Variants in SLC4A4 observed in about 807,000 individuals in gnomAD.
The protein encoded by SLC4A4 is solute carrier family 4 member 4.
A neutral mutation model predicts 111.5 loss-of-function variants in SLC4A4; 27 were observed. The observed-to-expected ratio is 0.24, with a 90% confidence interval of 0.18 to 0.33. The LOEUF is 0.33. Ranked by LOEUF, SLC4A4 falls within the 10% of genes least tolerant of loss-of-function variation. The pLI is 1.00. For missense variants in SLC4A4, 909 were observed against 1,315.5 expected (o/e 0.69, Z 4.78); for synonymous variants, 443 against 463.4 (o/e 0.96, Z 0.57).
chr4:71,467,034 C>T (rs1271800892), intron 13 of SLC4A4, among the ~76,000 whole-genome samples: 1 of 150,288 alleles, frequency 6.7e-6, no homozygotes, highest in Non-Finnish European at 1.5e-5. Flanking sequence ...GCACAGCATT[C>T]TGGCAGTGCT....
At chr4:71,152,944 C>T (rs1420924332) in intron 2 of SLC4A4, among the ~76,000 whole-genome samples, 1 of 143,138 alleles carries the variant, frequency 7.0e-6, no homozygotes, top group African/African-American at 2.6e-5. Context: ...ATATATATAT[C>T]CTATATATAT....
intron 1 of SLC4A4, among the ~76,000 whole-genome samples, chr4:71,207,498 A>G (rs1717841158): frequency 6.6e-6 from 1 of 152,220 alleles, no homozygotes; most frequent in African/African-American, 2.4e-5. Flanking sequence ...ATTTCCCAAC[A>G]TTTGGTGGGT....
chr4:71,486,708 C>T (rs1455910609), intron 14 of SLC4A4, among the ~76,000 whole-genome samples: 1 of 150,680 alleles, frequency 6.6e-6, no homozygotes, highest in African/African-American at 2.4e-5. Flanking sequence ...TTAATACCGT[C>T]TCTTTAAATA....
chr4:71,323,958 A>G (rs1727310219), intron 3 of SLC4A4, among the ~76,000 whole-genome samples: 1 of 151,902 alleles, frequency 6.6e-6, no homozygotes, highest in South Asian at 2.1e-4. Flanking sequence ...CTTGACTCTG[A>G]TGATGGTGTC....
chr4:71,078,853 C>G lies in SLC4A4; in HGVS notation c.-64-13877C>G, dbSNP rs1000009416. Among the ~76,000 whole-genome samples, 5 of 152,008 alleles carry G rather than the reference C, an allele frequency of 3.3e-5. No homozygotes were observed. In the East Asian group the frequency reaches 9.7e-4, roughly 30 times the overall value. On this transcript the variant is annotated intron_variant, in intron 1 of 26. Transcript: ENST00000649996. ...TTTTTTTTTGAGACAGAGTCTCACT[C>G]TGTTGCCCAGGTTGGAGTGCAATGG...
In SLC4A4 at chr4:71,339,354, A is replaced by G; in HGVS notation, c.254-16A>G. On this transcript the variant is annotated splice_polypyrimidine_tract_variant and intron_variant, in intron 3 of 25. Coordinates refer to ENST00000264485, the MANE Select transcript of SLC4A4 (RefSeq NM_001098484.3). ...TGTCCAGCCAATGTTTAACCACAGT[A>G]TTTTCACTTCTGCAGTCTCTCCTGC... is the stretch of plus-strand genomic sequence containing the variant. 2 of 1,614,090 alleles carry G rather than the reference A, an allele frequency of 1.2e-6. No homozygotes were observed. Among genetic ancestry groups the G allele is most frequent in the Non-Finnish European group, 8.5e-7 (1 of 1,180,026 alleles).
intron 18 of SLC4A4, among the ~76,000 whole-genome samples, chr4:71,535,102 T>C (rs1734292752): frequency 6.6e-6 from 1 of 152,128 alleles, no homozygotes; most frequent in Non-Finnish European, 1.5e-5. Context: ...TAATAAGAGC[T>C]ATTATTTAGT....
At chr4:71,332,218 G>T (rs1198393503) in intron 3 of SLC4A4, among the ~76,000 whole-genome samples, 1 of 151,706 alleles carries the variant, frequency 6.6e-6, no homozygotes, top group Non-Finnish European at 1.5e-5. Context: ...TTTTGGGTTT[G>T]GTTTTATTTT....
At chr4:71,136,862 C>T (rs1222254116) in intron 2 of SLC4A4, among the ~76,000 whole-genome samples, 1 of 152,104 alleles carries the variant, frequency 6.6e-6, no homozygotes, top group Admixed American at 6.6e-5. Context: ...CAGTATTAAG[C>T]ACATTACATG....
At chr4:71,147,120 G>C (rs1013413605) in intron 2 of SLC4A4, among the ~76,000 whole-genome samples, 16 of 151,914 alleles carry the variant, frequency 1.1e-4, no homozygotes, top group African/African-American at 3.6e-4. Flanking sequence ...TTTAAACCAA[G>C]AAAGATCAAA....
chr4:71,223,452 C>T (rs28534075), intron 1 of SLC4A4, among the ~76,000 whole-genome samples: 43 of 152,242 alleles, frequency 2.8e-4, no homozygotes, highest in African/African-American at 8.9e-4. Context: ...CGTGAGCCAC[C>T]GTGCCCGGCC....
At position 71,236,564 on chromosome 4, in the gene SLC4A4, T is replaced by G; in HGVS notation, c.-1-12T>G. 6.2e-7 allele frequency: 1 copy of G among 1,611,832 alleles called. No individual in the cohort carries two copies. The highest frequency in any genetic ancestry group is 8.5e-7 in the Non-Finnish European group (1 of 1,178,268). On this transcript the variant is annotated splice_polypyrimidine_tract_variant and intron_variant, in intron 1 of 25. Coordinates refer to ENST00000264485, the MANE Select transcript of SLC4A4 (RefSeq NM_001098484.3). Reference sequence around the variant, plus strand: ...AGTCTGAGCATTCTTTTTTTCTTTTTTATTACTATAGGATGGAGGATGAAG... The same window carrying G: ...AGTCTGAGCATTCTTTTTTTCTTTTGTATTACTATAGGATGGAGGATGAAG...
intron 2 of SLC4A4, among the ~76,000 whole-genome samples, chr4:71,154,223 C>G (rs72860042): frequency 1.3e-5 from 2 of 152,136 alleles, no homozygotes; most frequent in East Asian, 3.9e-4. Flanking sequence ...GAGCTTATGG[C>G]TATGGCTCTT....
At chr4:71,350,496 G>A (rs983196321) in intron 5 of SLC4A4, among the ~76,000 whole-genome samples, 4 of 151,998 alleles carry the variant, frequency 2.6e-5, no homozygotes, top group African/African-American at 9.7e-5. Flanking sequence ...TCCTGCTTCA[G>A]CCTCCCGAGT....
Position 71,543,738 on chromosome 4 carries a change from T to C in SLC4A4, c.2443-2612T>C, listed in dbSNP as rs144949014. Among the ~76,000 whole-genome samples the C allele has an allele frequency of 2.0e-3, 308 of 152,194 alleles. 3 individuals are homozygous for C. Among genetic ancestry groups the C allele is most frequent in the African/African-American group, 7.1e-3 (295 of 41,550 alleles). On this transcript the variant is annotated intron_variant, in intron 18 of 25. Coordinates refer to ENST00000264485, the MANE Select transcript of SLC4A4 (RefSeq NM_001098484.3). ...CTACAGGTTTTTTGGTAACAAGATT[T>C]GTGGATTCTTCTCATTATTACCCTG... is the stretch of plus-strand genomic sequence containing the variant.
intron 4 of SLC4A4, among the ~76,000 whole-genome samples, chr4:71,339,893 T>A (rs962897786): frequency 6.6e-6 from 1 of 151,998 alleles, no homozygotes; most frequent in Non-Finnish European, 1.5e-5. Flanking sequence ...CTTGTGAGAT[T>A]TTGTGTGACT....
intron 18 of SLC4A4, among the ~76,000 whole-genome samples, chr4:71,544,649 C>G (rs1186663385): frequency 1.3e-5 from 2 of 152,020 alleles, no homozygotes; most frequent in Admixed American, 6.6e-5. Context: ...ACTATCTTTT[C>G]CCTATTCGCC....
At chr4:71,511,891 T>C (rs1425846032) in intron 16 of SLC4A4, among the ~76,000 whole-genome samples, 2 of 152,206 alleles carry the variant, frequency 1.3e-5, no homozygotes, top group African/African-American at 2.4e-5. Flanking sequence ...GCCTGACTTA[T>C]TTCACTAAAC....
At chr4:71,294,912 T>G (rs1344860598) in intron 3 of SLC4A4, among the ~76,000 whole-genome samples, 4 of 152,222 alleles carry the variant, frequency 2.6e-5, no homozygotes, top group Non-Finnish European at 5.9e-5. Context: ...TTTAGTTTTT[T>G]CCTATGACAA....
Sources: gnomAD v4.1 joint callset for allele counts (sites outside exome capture counted in the v4.1 genomes callset) on GRCh38, gnomAD v4.1.1 for gene constraint, MANE v1.5 for transcripts, NCBI Gene and HGNC (gene_info 2026-07-23, HGNC 2026-07-21) for gene names.